KIF11: variants seen among roughly 807,000 people sequenced by gnomAD.
KIF11 encodes the protein kinesin family member 11.
A neutral mutation model predicts 121.0 loss-of-function variants in KIF11; 9 were observed. That is an observed-to-expected ratio of 0.07 (90% CI 0.04 to 0.13). The LOEUF (loss-of-function observed/expected upper bound fraction) is 0.13. Among genes scored for constraint, KIF11 ranks in the 10% least tolerant of loss-of-function variants. The pLI is 1.00. For missense variants in KIF11, 846 were observed against 1,217.5 expected (o/e 0.69, Z 4.54); for synonymous variants, 408 against 421.0 (o/e 0.97, Z 0.38).
At chr10:92,615,766 T>C (rs935658530) in intron 8 of KIF11, among the ~76,000 whole-genome samples, 3 of 152,170 alleles carry the variant, frequency 2.0e-5, no homozygotes, top group African/African-American at 7.2e-5. Context: ...TCAAGGTTCA[T>C]CTGTGTTGTA....
At chr10:92,611,715 G>A (rs1205594353) in intron 6 of KIF11, among the ~76,000 whole-genome samples, 2 of 151,904 alleles carry the variant, frequency 1.3e-5, no homozygotes, top group African/African-American at 2.4e-5. Flanking sequence ...CCTGGCCAAC[G>A]TGGTGAAACC....
chr10:92,618,711 A>C (rs1289568345), intron 9 of KIF11, among the ~76,000 whole-genome samples: 6 of 151,930 alleles, frequency 3.9e-5, no homozygotes, highest in Admixed American at 3.9e-4. Flanking sequence ...GAACTATAGA[A>C]TATTACCACG....
intron 6 of KIF11, among the ~76,000 whole-genome samples, chr10:92,612,537 G>C (rs897260762): frequency 6.6e-6 from 1 of 152,146 alleles, no homozygotes; most frequent in African/African-American, 2.4e-5. Flanking sequence ...TACTATTTCT[G>C]CTGTTAGGGG....
At chr10:92,624,000 C>G (rs1375073527) in intron 10 of KIF11, among the ~76,000 whole-genome samples, 1 of 151,888 alleles carries the variant, frequency 6.6e-6, no homozygotes, top group Non-Finnish European at 1.5e-5. Context: ...CAGATAATAA[C>G]CATAGAACCC....
chr10:92,595,437 A>C (rs1844283500), intron 1 of KIF11, among the ~76,000 whole-genome samples: 1 of 151,866 alleles, frequency 6.6e-6, no homozygotes, highest in African/African-American at 2.4e-5. Flanking sequence ...TCATTCTTAA[A>C]TCTGTCAGGG....
intron 1 of KIF11, among the ~76,000 whole-genome samples, chr10:92,599,828 T>C (rs1844346763): frequency 6.7e-6 from 1 of 150,332 alleles, no homozygotes; most frequent in Non-Finnish European, 1.5e-5. Flanking sequence ...AATTTTTGTA[T>C]TTTTAGTAGA....
chr10:92,597,899 C>T (rs1844318278), intron 1 of KIF11, among the ~76,000 whole-genome samples: 1 of 151,900 alleles, frequency 6.6e-6, no homozygotes. Flanking sequence ...GATCCGTCCA[C>T]CCTGGCCTCC....
At chr10:92,623,112 A>G (rs543066588) in intron 10 of KIF11, among the ~76,000 whole-genome samples, 3 of 152,326 alleles carry the variant, frequency 2.0e-5, no homozygotes, top group Admixed American at 6.5e-5. Context: ...TAGTAGTTCT[A>G]TGCCATTTTG....
Position 92,629,084 on chromosome 10 carries a change from G to A in KIF11, c.1305+189G>A, listed in dbSNP as rs145088125. Among the ~76,000 whole-genome samples the A allele has an allele frequency of 0.047, 7,073 of 151,986 alleles. 269 individuals carry two copies. The highest frequency in any genetic ancestry group is 0.071 in the Non-Finnish European group (4,847 of 67,950). On this transcript the variant is annotated intron_variant, in intron 11 of 21. Coordinates refer to ENST00000260731, the MANE Select transcript of KIF11 (RefSeq NM_004523.4). ...TAACCTCTGCCTCCCAGGGTCAAGC[G>A]ATTCTCCTGCCTCAGCCTCCCGAGT... is the stretch of plus-strand genomic sequence containing the variant.
chr10:92,629,718 A>G (rs996579509), intron 11 of KIF11, among the ~76,000 whole-genome samples: 2 of 151,682 alleles, frequency 1.3e-5, no homozygotes, highest in Non-Finnish European at 2.9e-5. Flanking sequence ...GTCTCAAGCA[A>G]CTCTCCTGCC....
At chr10:92,623,460 T>A (rs925540376) in intron 10 of KIF11, among the ~76,000 whole-genome samples, 2 of 152,226 alleles carry the variant, frequency 1.3e-5, no homozygotes, top group Non-Finnish European at 2.9e-5. Context: ...GAGCATTTTT[T>A]AAAAGTTAAT....
chr10:92,641,699 G>C lies in KIF11; in HGVS notation c.2267+1799G>C, dbSNP rs964406129. ...AGGCTTATGCCTTTCACCAAAACTT[G>C]GGAAATTTTCATCTATTAATTCTTT... is the stretch of plus-strand genomic sequence containing the variant. On this transcript the variant is annotated intron_variant, in intron 17 of 21. Coordinates refer to ENST00000260731, the MANE Select transcript of KIF11 (RefSeq NM_004523.4). Among the ~76,000 whole-genome samples the C allele has an allele frequency of 2.6e-5, 4 of 152,062 alleles. No homozygotes were observed. In the South Asian group the frequency reaches 6.2e-4, roughly 24 times the overall value.
At position 92,613,351 on chromosome 10, in the gene KIF11, T is replaced by G; in HGVS notation, c.790-26T>G. On this transcript the variant is annotated intron_variant, in intron 7 of 21. Coordinates refer to ENST00000260731, the MANE Select transcript of KIF11 (RefSeq NM_004523.4). This position sits in a 1 kb window ranked among gnomAD's most constrained non-coding sequence, Gnocchi z 4.2. ...TGAATCCAAATCCAATAGACTCACTTTTTATTTTTATTTTTAAAATTAAAG... is the reference window on the plus strand; with the variant it reads ...TGAATCCAAATCCAATAGACTCACTGTTTATTTTTATTTTTAAAATTAAAG... The G allele has an allele frequency of 1.3e-6, 2 of 1,507,322 alleles. No homozygotes were observed. The highest frequency in any genetic ancestry group is 1.8e-6 in the Non-Finnish European group (2 of 1,113,472). 93.4% of individuals were successfully genotyped at this position (1,507,322 alleles called of 1,614,324 possible).
In KIF11 at chr10:92,645,500, A is replaced by T. The variant is rs749953590; in HGVS notation, c.2405A>T (p.Asp802Val). The T allele has an allele frequency of 1.9e-6, 3 of 1,614,162 alleles. No homozygotes were observed. In the South Asian group the frequency reaches 3.3e-5, roughly 18 times the overall value. The change falls in exon 18 of 22, where the codon GAT becomes GTT. Residue 802 changes from aspartate to valine, a missense_variant. Around this residue, in one of 5 missense-constraint regions of KIF11, gnomAD observed 492 missense variants for 603.4 expected, o/e 0.82. Transcript: ENST00000260731. The part of the protein sequence containing the change: ...KLVEESVKHS[D>V]KLNGNLEKIS... ...GTTGAAGAATCTGTGAAACACTCTGATAAACTCAATGGCAACCTGGAAAAA... is the reference window on the plus strand; with the variant it reads ...GTTGAAGAATCTGTGAAACACTCTGTTAAACTCAATGGCAACCTGGAAAAA...
At chr10:92,612,955 ATCT>A in intron 6 of KIF11, 82 bp from the exon 7 acceptor site, 1 of 727,348 alleles carries the variant, frequency 1.4e-6, no homozygotes, top group Non-Finnish European at 2.3e-6. Context: ...GTGGATTTAG[ATCT>A]TCTTTCCTGT....
chr10:92,650,806 A>G (rs1381305397), intron 21 of KIF11, among the ~76,000 whole-genome samples: 1 of 152,114 alleles, frequency 6.6e-6, no homozygotes, highest in Non-Finnish European at 1.5e-5. Context: ...CACTGAGAGC[A>G]GTCATTTCTC....
Position 92,633,904 on chromosome 10 carries a change from A to G in KIF11, c.1875+109A>G, listed in dbSNP as rs558476249. The G allele has an allele frequency of 8.0e-5, 56 of 697,558 alleles. No homozygotes were observed. In the South Asian group the frequency reaches 9.1e-4, roughly 11 times the overall value. 43.2% of individuals were successfully genotyped at this position (697,558 alleles called of 1,614,324 possible). A position where few individuals can be genotyped will look rare whatever the true frequency, so the allele number is the denominator to read the frequency against. On this transcript the variant is annotated intron_variant, in intron 14 of 21. Coordinates refer to ENST00000260731, the MANE Select transcript of KIF11 (RefSeq NM_004523.4). ...GTCTTTATAAACAATGTTAACTGCT[A>G]TTCTTTCTTCCTGAGCTTTACTAGA...
At chr10:92,608,911 C>T in intron 4 of KIF11, 109 bp from the exon 5 acceptor site, 1 of 590,322 alleles carries the variant, frequency 1.7e-6, no homozygotes, top group Non-Finnish European at 2.8e-6. Context: ...TTTGTTTTAA[C>T]TTGCTTTGCC....
chr10:92,593,470 A>G lies in KIF11; in HGVS notation c.77+18A>G, dbSNP rs367810583. Reference sequence around the variant, plus strand: ...AGATGCAGGTAGGGAGAGGGCTGACAGGATTCCGAGCGCTGCGGCTTCGCT... The same window carrying G: ...AGATGCAGGTAGGGAGAGGGCTGACGGGATTCCGAGCGCTGCGGCTTCGCT... On this transcript the variant is annotated intron_variant, in intron 1 of 21. Coordinates refer to ENST00000260731, the MANE Select transcript of KIF11 (RefSeq NM_004523.4). The G allele has an allele frequency of 1.1e-5, 17 of 1,601,338 alleles. No individual in the cohort carries two copies. In the African/African-American group the frequency reaches 2.0e-4, roughly 19 times the overall value.
Sources: allele counts gnomAD v4.1 joint callset (sites outside exome capture counted in the v4.1 genomes callset), GRCh38; gene constraint gnomAD v4.1.1; regional missense constraint gnomAD v4.1.1; non-coding constraint Gnocchi (gnomAD v3.1); transcripts MANE v1.5; gene names NCBI Gene and HGNC (gene_info 2026-07-23, HGNC 2026-07-21).